PNMA6E: variants seen among roughly 807,000 people sequenced by gnomAD.
The protein encoded by PNMA6E is PNMA family member 6E, also known as paraneoplastic antigen Ma6E.
For synonymous variants in PNMA6E, 43 were observed against 17.1 expected (o/e 2.52, Z -3.74); for missense variants, 78 against 50.8 (o/e 1.53, Z -1.63).
At chrX:153,402,570 A>G (rs2088858974), upstream of PNMA6E, among the ~76,000 whole-genome samples, 1 of 112,263 alleles carries the variant, frequency 8.9e-6, no homozygotes. Flanking sequence ...TTAAACTGTC[A>G]TGTGTATTAT....
the PNMA6E span, among the ~76,000 whole-genome samples, chrX:153,410,459 A>G: frequency 9.0e-6 from 1 of 111,132 alleles, no homozygotes; most frequent in African/African-American, 3.3e-5. Context: ...CACACAGCTG[A>G]GGGCCACCGG....
the PNMA6E span, among the ~76,000 whole-genome samples, chrX:153,410,789 C>T: frequency 8.9e-6 from 1 of 112,863 alleles, no homozygotes; most frequent in African/African-American, 3.2e-5. Context: ...TGATTTTTCC[C>T]TGTTGCTTTT....
chrX:153,405,974 T>C (rs1187868265), upstream of PNMA6E, among the ~76,000 whole-genome samples: 2 of 112,522 alleles, frequency 1.8e-5, no homozygotes, highest in Non-Finnish European at 3.8e-5. Flanking sequence ...CTGAGCAGCA[T>C]TGTCTTAGTA....
At chrX:153,412,609 C>T in the PNMA6E span, among the ~76,000 whole-genome samples, 1 of 111,774 alleles carries the variant, frequency 8.9e-6, no homozygotes, top group African/African-American at 3.3e-5. Flanking sequence ...GGTAAAAGAG[C>T]GAGGCATGTG....
rs1487103936 is a variant in PNMA6E, at chrX:153,397,635, C to T, written c.1215G>A (p.Met405Ile). 2.0e-5 allele frequency: 6 copies of T among 298,550 alleles called. No individual in the cohort carries two copies. The highest frequency in any genetic ancestry group is 1.4e-4 in the African/African-American group (5 of 36,885). 24.6% of individuals were successfully genotyped at this position (298,550 alleles called of 1,213,427 possible). Residue 405 changes from methionine to isoleucine, a missense_variant, in exon 2 of 2, where the codon ATG becomes ATA. Transcript: ENST00000445091. ...GQVFRNQDTR[M>I]TSRLKFLTCT... ...AGGTCAGGAACTTCAGCCTCGAAGT[C>T]ATTCGAGTGTCCTGGTTCCTAAATA...
upstream of PNMA6E, among the ~76,000 whole-genome samples, chrX:153,403,656 T>G (rs1349885476): frequency 9.0e-6 from 1 of 111,301 alleles, no homozygotes; most frequent in African/African-American, 3.3e-5. Flanking sequence ...AAAAAAATGT[T>G]AGGTGGCTGG....
In PNMA6E at chrX:153,396,670, G is replaced by C. The variant is rs1347803406; in HGVS notation, c.*236C>G. On this transcript the variant is annotated 3_prime_UTR_variant, in exon 2 of 2. Coordinates refer to ENST00000445091, the MANE Select transcript of PNMA6E (RefSeq NM_001367770.1). ...CCCGTGGCGGCAGGGTTTGGGGCTG[G>C]GGCTGGGTGTGCTGGGTGCAAGGGA... 4 of 241,101 alleles carry C rather than the reference G, an allele frequency of 1.7e-5. No individual in the cohort carries two copies. Among genetic ancestry groups the C allele is most frequent in the Non-Finnish European group, 3.0e-5 (4 of 135,163 alleles). 19.9% of individuals were successfully genotyped at this position (241,101 alleles called of 1,213,427 possible). A position where few individuals can be genotyped will look rare whatever the true frequency, so the allele number is the denominator to read the frequency against.
At chrX:153,402,922 CTCT>C (rs1161410806), upstream of PNMA6E, among the ~76,000 whole-genome samples, 1 of 112,568 alleles carries the variant, frequency 8.9e-6, no homozygotes, top group Non-Finnish European at 1.9e-5. Flanking sequence ...TGTGAATGTT[CTCT>C]TCTTCTTCGA....
the PNMA6E span, among the ~76,000 whole-genome samples, chrX:153,409,261 A>G: frequency 8.8e-6 from 1 of 113,030 alleles, no homozygotes; most frequent in Non-Finnish European, 1.9e-5. Flanking sequence ...CCAGGGAGGA[A>G]AGGGGACCTC....
chrX:153,396,652 C>T lies in PNMA6E; in HGVS notation c.*254G>A, dbSNP rs1263178247. ...CTCCCTCCAGGCCAGCCCCCCGTGG[C>T]GGCAGGGTTTGGGGCTGGGGCTGGG... On this transcript the variant is annotated 3_prime_UTR_variant, in exon 2 of 2. Coordinates refer to ENST00000445091, the MANE Select transcript of PNMA6E (RefSeq NM_001367770.1). The T allele has an allele frequency of 9.2e-6, 2 of 218,477 alleles. No individual in the cohort carries two copies. Among genetic ancestry groups the T allele is most frequent in the Non-Finnish European group, 1.7e-5 (2 of 121,012 alleles). The allele number at this position is 218,477 out of a possible 1,213,427, so 18.0% of individuals were successfully genotyped here.
chrX:153,411,120 A>G, the PNMA6E span, among the ~76,000 whole-genome samples: 1 of 110,459 alleles, frequency 9.1e-6, no homozygotes, highest in South Asian at 3.9e-4. Context: ...TTACTGAGTG[A>G]CCATGGCCGG....
At chrX:153,400,822 C>CAGGG (rs1206633336) in intron 1 of PNMA6E, among the ~76,000 whole-genome samples, 3 of 104,905 alleles carry the variant, frequency 2.9e-5, no homozygotes, top group African/African-American at 1.1e-4. Context: ...CCTCCCACCC[C>CAGGG]AGGGAGCCCC....
At chrX:153,408,148 G>C in the PNMA6E span, among the ~76,000 whole-genome samples, 7 of 112,980 alleles carry the variant, frequency 6.2e-5, no homozygotes, top group East Asian at 1.7e-3. Flanking sequence ...CGTCCTGGGA[G>C]GGACAGTGAG....
chrX:153,407,277 C>T, the PNMA6E span, among the ~76,000 whole-genome samples: 2 of 111,990 alleles, frequency 1.8e-5, no homozygotes, highest in East Asian at 5.7e-4. Flanking sequence ...GGTGACCCTC[C>T]TGGCTTTGGT....
At chrX:153,401,903 C>A (rs2088854932), upstream of PNMA6E, among the ~76,000 whole-genome samples, 1 of 96,507 alleles carries the variant, frequency 1.0e-5, no homozygotes, top group African/African-American at 3.9e-5. Context: ...CGGCTCACTG[C>A]AACCTCCGCC....
the PNMA6E span, among the ~76,000 whole-genome samples, chrX:153,407,899 G>T: frequency 4.4e-5 from 5 of 112,756 alleles, no homozygotes; most frequent in South Asian, 1.8e-3. Flanking sequence ...CTTTCCTTGA[G>T]CAGGAACAAG....
At chrX:153,411,343 C>A in the PNMA6E span, among the ~76,000 whole-genome samples, 1 of 112,567 alleles carries the variant, frequency 8.9e-6, no homozygotes, top group East Asian at 2.8e-4. Context: ...TGCCTCGGGG[C>A]GCGTGGGGAG....
chrX:153,400,720 G>A (rs1243227458), intron 1 of PNMA6E, among the ~76,000 whole-genome samples: 2 of 107,962 alleles, frequency 1.9e-5, no homozygotes, highest in African/African-American at 3.4e-5. Context: ...CCCCTCTCGC[G>A]CCTCAGACCC....
chrX:153,404,584 G>T (rs1386802293), upstream of PNMA6E, among the ~76,000 whole-genome samples: 1 of 111,977 alleles, frequency 8.9e-6, no homozygotes, highest in South Asian at 3.7e-4. Flanking sequence ...CCCCTGTGTT[G>T]GGTATCAACT....
Sources: allele counts gnomAD v4.1 joint callset (sites outside exome capture counted in the v4.1 genomes callset), GRCh38; gene constraint gnomAD v4.1.1; transcripts MANE v1.5; gene names NCBI Gene and HGNC (gene_info 2026-07-23, HGNC 2026-07-21).